Variants in DGKB observed in about 807,000 individuals in gnomAD.
DGKB encodes the protein 90 kDa diacylglycerol kinase.
In DGKB, 67 loss-of-function variants were observed where a neutral mutation model predicts 114.3. The observed-to-expected ratio is 0.59, with a 90% CI of 0.48 to 0.72. The LOEUF (loss-of-function observed/expected upper bound fraction) is 0.72, where lower values mean the gene tolerates loss of function less well. Ranked by LOEUF, DGKB falls within the 30% of genes least tolerant of loss-of-function variation. DGKB has a pLI of 0.00. For synonymous variants in DGKB, 398 were observed against 323.1 expected (o/e 1.23, Z -2.49); for missense variants, 907 against 975.2 (o/e 0.93, Z 0.93).
chr7:14,846,842 A>G (rs1262373105), intron 1 of DGKB, among the ~76,000 whole-genome samples: 2 of 152,168 alleles, frequency 1.3e-5, no homozygotes, highest in African/African-American at 4.8e-5. Flanking sequence ...CGAGAAATCA[A>G]CCTACTCGTG....
chr7:14,855,236 A>G (rs1849959940), intron 1 of DGKB, among the ~76,000 whole-genome samples: 1 of 152,188 alleles, frequency 6.6e-6, no homozygotes, highest in Non-Finnish European at 1.5e-5. Flanking sequence ...AATGAACTAA[A>G]TTTAGCAACA....
At chr7:14,641,149 T>C (rs62445637) in intron 13 of DGKB, among the ~76,000 whole-genome samples, 3,244 of 152,282 alleles carry the variant, frequency 0.021, 50 homozygotes, top group South Asian at 0.039. Flanking sequence ...CAACACTGGG[T>C]ATTATCATTT....
At chr7:14,881,449 C>A (rs1248874699) in intron 1 of DGKB, among the ~76,000 whole-genome samples, 4 of 152,080 alleles carry the variant, frequency 2.6e-5, no homozygotes, top group African/African-American at 7.2e-5. Flanking sequence ...ATTAAGATAA[C>A]TTTTCCAAGA....
At chr7:14,790,025 A>G (rs1458001689) in intron 2 of DGKB, among the ~76,000 whole-genome samples, 3 of 152,152 alleles carry the variant, frequency 2.0e-5, no homozygotes, top group Non-Finnish European at 4.4e-5. Flanking sequence ...TTTTGATTGC[A>G]TTTCCCTAAT....
chr7:14,555,224 T>C (rs1795710329), intron 20 of DGKB, among the ~76,000 whole-genome samples: 1 of 152,204 alleles, frequency 6.6e-6, no homozygotes, highest in African/African-American at 2.4e-5. Context: ...CCCTCTCCAA[T>C]GATTTGATAC....
At chr7:14,761,398 C>G (rs1165368327) in intron 2 of DGKB, among the ~76,000 whole-genome samples, 1 of 152,146 alleles carries the variant, frequency 6.6e-6, no homozygotes, top group East Asian at 1.9e-4. Flanking sequence ...TATGTTTTAC[C>G]TTCTTTTGGG....
chr7:14,384,196 G>T (rs535450625), intron 21 of DGKB, among the ~76,000 whole-genome samples: 1 of 152,056 alleles, frequency 6.6e-6, no homozygotes, highest in African/African-American at 2.4e-5. Flanking sequence ...AAATCAGTTT[G>T]GTTTAATGAT....
At chr7:14,624,495 A>G (rs2128823931) in intron 14 of DGKB, among the ~76,000 whole-genome samples, 1 of 152,304 alleles carries the variant, frequency 6.6e-6, no homozygotes, top group Non-Finnish European at 1.5e-5. Context: ...AAGACATGCA[A>G]GTATATGTTT....
chr7:14,585,294 C>A, intron 17 of DGKB, among the ~76,000 whole-genome samples: 1 of 152,036 alleles, frequency 6.6e-6, no homozygotes. Flanking sequence ...TTGCCCATTC[C>A]AGGAAGTAGA....
intron 23 of DGKB, among the ~76,000 whole-genome samples, chr7:14,282,469 T>C (rs1363893585): frequency 1.3e-5 from 2 of 150,986 alleles, no homozygotes; most frequent in African/African-American, 4.9e-5. Flanking sequence ...CTGAAACTAT[T>C]CCAATCAATA....
At chr7:14,901,677 C>T (rs964963699) in intron 1 of DGKB, among the ~76,000 whole-genome samples, 1 of 132,750 alleles carries the variant, frequency 7.5e-6, no homozygotes, top group Non-Finnish European at 1.5e-5. Flanking sequence ...TGGTTAGGTA[C>T]CCCAACATTT....
intron 6 of DGKB, among the ~76,000 whole-genome samples, chr7:14,714,309 T>A (rs1466061764): frequency 1.3e-5 from 2 of 152,104 alleles, no homozygotes; most frequent in Admixed American, 6.6e-5. Flanking sequence ...GTTTGTCTGA[T>A]GATAGAAAAG....
At position 14,752,504 on chromosome 7, in the gene DGKB, T is replaced by C. The variant is rs2128437402; in HGVS notation, c.168+1424A>G. ...CAGGAAACATGTACGGAGGAAATCC[T>C]ACACTCAGAGAACACTGATAGACAA... On this transcript the variant is annotated intron_variant, in intron 4 of 25. Coordinates refer to ENST00000402815, the MANE Select transcript of DGKB (RefSeq NM_001350709.2). Among the ~76,000 whole-genome samples the C allele has an allele frequency of 1.3e-5, 2 of 152,284 alleles. 1 individual carries two copies. The highest frequency in any genetic ancestry group is 6.8e-3 in the Middle Eastern group (2 of 294).
At chr7:14,444,159 G>A (rs1830438226) in intron 21 of DGKB, among the ~76,000 whole-genome samples, 1 of 151,624 alleles carries the variant, frequency 6.6e-6, no homozygotes, top group African/African-American at 2.4e-5. Flanking sequence ...AAAAATATTG[G>A]TATAATATCA....
At chr7:14,255,348 A>G (rs1181950233) in intron 23 of DGKB, among the ~76,000 whole-genome samples, 4 of 152,202 alleles carry the variant, frequency 2.6e-5, no homozygotes, top group African/African-American at 7.2e-5. Context: ...ACATAATGCA[A>G]TCAGCAGAGT....
intron 21 of DGKB, among the ~76,000 whole-genome samples, chr7:14,369,541 T>G (rs1278498058): frequency 6.6e-6 from 1 of 152,196 alleles, no homozygotes; most frequent in East Asian, 1.9e-4. Flanking sequence ...CCACCAATAT[T>G]GTAAAAGTGT....
At chr7:14,813,869 A>G (rs1032546470) in intron 2 of DGKB, among the ~76,000 whole-genome samples, 3 of 152,034 alleles carry the variant, frequency 2.0e-5, no homozygotes, top group Non-Finnish European at 2.9e-5. Context: ...AAATGAAATT[A>G]TTTGCTTGTG....
At chr7:14,643,898 T>C (rs561323676) in intron 13 of DGKB, among the ~76,000 whole-genome samples, 1 of 152,090 alleles carries the variant, frequency 6.6e-6, no homozygotes, top group Non-Finnish European at 1.5e-5. Flanking sequence ...ACCTCTCCAA[T>C]AGTGGGGCTG....
At chr7:14,916,841 T>A (rs1019256026) in intron 1 of DGKB, among the ~76,000 whole-genome samples, 1 of 152,036 alleles carries the variant, frequency 6.6e-6, no homozygotes, top group African/African-American at 2.4e-5. Flanking sequence ...AGAATACACA[T>A]TCTTTTCACA....
Sources: allele counts gnomAD v4.1 joint callset (sites outside exome capture counted in the v4.1 genomes callset), GRCh38; gene constraint gnomAD v4.1.1; transcripts MANE v1.5; gene names NCBI Gene and HGNC (gene_info 2026-07-23, HGNC 2026-07-21).